Variants in TBC1D5 observed in about 807,000 individuals in gnomAD.
The protein encoded by TBC1D5 is TBC1 domain family, member 5.
Under a neutral mutation model 100.3 loss-of-function variants are expected in TBC1D5, and 75 were observed. The ratio of observed to expected loss-of-function variants is 0.75; its 90% CI spans 0.62 to 0.91. The LOEUF (loss-of-function observed/expected upper bound fraction) is 0.91. Ranked by LOEUF, TBC1D5 falls within the 40% of genes least tolerant of loss-of-function variation. The pLI, the probability that TBC1D5 is intolerant of heterozygous loss-of-function variation, is 0.00. For synonymous variants in TBC1D5, 323 were observed against 325.6 expected (o/e 0.99, Z 0.09); for missense variants, 910 against 942.4 (o/e 0.97, Z 0.45).
rs538280738 is a variant in TBC1D5, at chr3:17,439,634, T to C, written c.98-11115A>G. On this transcript the variant is annotated intron_variant, in intron 3 of 21. Coordinates refer to ENST00000253692, the Ensembl canonical transcript of TBC1D5. Reference sequence around the variant, plus strand: ...CAAAAATGTCTTATTTTACAAATTTTTGCTATGACATTAAGGAATTACTGT... The same window carrying C: ...CAAAAATGTCTTATTTTACAAATTTCTGCTATGACATTAAGGAATTACTGT... Among the ~76,000 whole-genome samples, 17 of 152,268 alleles carry C rather than the reference T, an allele frequency of 1.1e-4. No homozygotes were observed. In the South Asian group the frequency reaches 3.1e-3, roughly 28 times the overall value.
intron 3 of TBC1D5, among the ~76,000 whole-genome samples, chr3:17,446,815 C>CA (rs1274304510): frequency 6.6e-6 from 1 of 151,904 alleles, no homozygotes; most frequent in East Asian, 1.9e-4. Flanking sequence ...AGTGAAAATA[C>CA]AAAAAAATTA....
At chr3:17,280,428 G>A (rs937299475) in intron 15 of TBC1D5, among the ~76,000 whole-genome samples, 2 of 151,958 alleles carry the variant, frequency 1.3e-5, no homozygotes, top group African/African-American at 2.4e-5. Flanking sequence ...AACCACCCAC[G>A]GCCTGCCCCA....
At chr3:17,586,924 T>C (rs73165743) in intron 2 of TBC1D5, among the ~76,000 whole-genome samples, 7,780 of 152,034 alleles carry the variant, frequency 0.051, 633 homozygotes, top group African/African-American at 0.18. Flanking sequence ...TTCTAACACA[T>C]AGTAAAATAA....
At chr3:17,267,019 C>G (rs1014965380) in intron 15 of TBC1D5, among the ~76,000 whole-genome samples, 2 of 152,014 alleles carry the variant, frequency 1.3e-5, no homozygotes, top group Non-Finnish European at 2.9e-5. Context: ...TGAATAAACC[C>G]AATTCCCTAA....
At chr3:17,455,442 A>G (rs1056811234) in intron 3 of TBC1D5, among the ~76,000 whole-genome samples, 20 of 122,184 alleles carry the variant, frequency 1.6e-4, no homozygotes, top group African/African-American at 4.7e-4. Context: ...ATGTGTGTGT[A>G]TATATATATG....
At chr3:17,512,733 C>T (rs2095927525) in intron 2 of TBC1D5, among the ~76,000 whole-genome samples, 1 of 152,200 alleles carries the variant, frequency 6.6e-6, no homozygotes, top group South Asian at 2.1e-4. Context: ...CTCCTATTCA[C>T]ATGAGTTTAA....
At chr3:17,431,753 C>A (rs2094450991) in intron 3 of TBC1D5, among the ~76,000 whole-genome samples, 1 of 151,968 alleles carries the variant, frequency 6.6e-6, no homozygotes, top group South Asian at 2.1e-4. Context: ...ATAGTAATTT[C>A]TAACATGTGT....
At chr3:17,198,782 T>C (rs1482697950) in intron 18 of TBC1D5, among the ~76,000 whole-genome samples, 1 of 152,178 alleles carries the variant, frequency 6.6e-6, no homozygotes, top group Non-Finnish European at 1.5e-5. Context: ...AAATTAGTGG[T>C]TCTAAACCTT....
chr3:17,477,492 C>T (rs2095451541), intron 3 of TBC1D5, among the ~76,000 whole-genome samples: 1 of 151,880 alleles, frequency 6.6e-6, no homozygotes, highest in Non-Finnish European at 1.5e-5. Context: ...TGTTTTCTGT[C>T]TGGGATTATA....
chr3:17,361,112 T>C (rs73145883), intron 13 of TBC1D5, among the ~76,000 whole-genome samples: 9,215 of 152,102 alleles, frequency 0.061, 548 homozygotes, highest in African/African-American at 0.15. Context: ...ATGTCCATTA[T>C]ATTTAAAAGT....
At position 17,533,053 on chromosome 3, in the gene TBC1D5, TCACACACACACACATACACAGACACACA is replaced by T. The variant is rs958015569; in HGVS notation, c.-35-24476_-35-24449del. Reference sequence around the variant, plus strand: ...GCCTGAGCAACACAATGAGATCCTGTCACACACACACACATACACAGACACACACACACACACACACACACACACACAC... The same window carrying T: ...GCCTGAGCAACACAATGAGATCCTGTCACACACACACACACACACACACAC... On this transcript the variant is annotated intron_variant, in intron 2 of 21. Transcript: ENST00000253692. 5.7e-5 allele frequency among the ~76,000 whole-genome samples: 8 copies of T among 140,084 alleles called. 1 individual carries two copies. The South Asian group carries it at 1.8e-3, about 31-fold the overall frequency. The allele number at this position is 140,084 out of a possible 152,430, so 91.9% of individuals were successfully genotyped here.
intron 13 of TBC1D5, among the ~76,000 whole-genome samples, chr3:17,346,654 C>T (rs890244583): frequency 6.6e-6 from 1 of 152,136 alleles, no homozygotes; most frequent in Admixed American, 6.5e-5. Context: ...TCCAGCCATA[C>T]CCAAGAATAC....
chr3:17,287,188 G>A (rs1399759615), intron 15 of TBC1D5, among the ~76,000 whole-genome samples: 7 of 152,136 alleles, frequency 4.6e-5, no homozygotes, highest in East Asian at 1.9e-4. Flanking sequence ...AAATATTCTC[G>A]ATTAGTGATG....
intron 1 of TBC1D5, among the ~76,000 whole-genome samples, chr3:17,654,577 G>T (rs113574271): frequency 1.2e-4 from 18 of 152,142 alleles, no homozygotes; most frequent in Non-Finnish European, 1.9e-4. Flanking sequence ...TTTTATTGAG[G>T]ATTTTTGCAT....
At chr3:17,506,009 A>T (rs564707899) in intron 3 of TBC1D5, among the ~76,000 whole-genome samples, 1 of 152,326 alleles carries the variant, frequency 6.6e-6, no homozygotes, top group East Asian at 1.9e-4. Flanking sequence ...AAATGTTTTT[A>T]AAAATTACAC....
chr3:17,659,691 C>T (rs921336361), intron 1 of TBC1D5, among the ~76,000 whole-genome samples: 1 of 151,952 alleles, frequency 6.6e-6, no homozygotes, highest in African/African-American at 2.4e-5. Context: ...CAAATACTAC[C>T]AACCAGGGAC....
chr3:17,726,835 T>G (rs181918296), intron 1 of TBC1D5, among the ~76,000 whole-genome samples: 1 of 152,344 alleles, frequency 6.6e-6, no homozygotes, highest in East Asian at 1.9e-4. Flanking sequence ...GGTTTCATAT[T>G]TTTATATCTT....
chr3:17,542,505 C>T (rs2096368723), intron 2 of TBC1D5, among the ~76,000 whole-genome samples: 1 of 152,054 alleles, frequency 6.6e-6, no homozygotes, highest in Admixed American at 6.5e-5. Flanking sequence ...AGTACCACAC[C>T]CAGCCAAAAT....
At chr3:17,547,761 T>C (rs1251699929) in intron 2 of TBC1D5, among the ~76,000 whole-genome samples, 1 of 152,198 alleles carries the variant, frequency 6.6e-6, no homozygotes, top group East Asian at 1.9e-4. Context: ...CTGATCACAC[T>C]GCACATGAGG....
Sources: allele counts gnomAD v4.1 joint callset (sites outside exome capture counted in the v4.1 genomes callset), GRCh38; gene constraint gnomAD v4.1.1; transcripts MANE v1.5; gene names NCBI Gene and HGNC (gene_info 2026-07-23, HGNC 2026-07-21).